PIGN: variants seen among roughly 807,000 people sequenced by gnomAD.
PIGN encodes the protein phosphatidylinositol glycan anchor biosynthesis class N, also known as GPI ethanolamine phosphate transferase 1.
Under a neutral mutation model 125.4 loss-of-function variants are expected in PIGN, and 117 were observed. The ratio of observed to expected loss-of-function variants is 0.93; its 90% CI spans 0.80 to 1.09. The LOEUF (loss-of-function observed/expected upper bound fraction) is 1.09. PIGN is among the 50% of genes least tolerant of loss of function. PIGN has a pLI of 0.00. For synonymous variants in PIGN, 392 were observed against 377.8 expected (o/e 1.04, Z -0.44); for missense variants, 1,075 against 1,094.9 (o/e 0.98, Z 0.26).
At chr18:62,096,359 G>T (rs889315868) in intron 22 of PIGN, among the ~76,000 whole-genome samples, 2 of 151,296 alleles carry the variant, frequency 1.3e-5, no homozygotes, top group African/African-American at 2.4e-5. Context: ...TTATTGTTTT[G>T]TGACCTTGAA....
intron 28 of PIGN, among the ~76,000 whole-genome samples, chr18:62,078,860 G>C (rs1312720463): frequency 6.6e-6 from 1 of 152,156 alleles, no homozygotes; most frequent in African/African-American, 2.4e-5. Context: ...CACTGTGATT[G>C]TTCACTTGCA....
At chr18:62,070,329 T>C (rs2032770607) in intron 30 of PIGN, 4 of 398,042 alleles carry the variant, frequency 1.0e-5, no homozygotes, top group Non-Finnish European at 1.3e-5. Flanking sequence ...TTCCCTAAAC[T>C]TTCAAGTATA....
chr18:62,038,984 T>C (rs1012061818), downstream of PIGN, among the ~76,000 whole-genome samples: 2 of 151,130 alleles, frequency 1.3e-5, no homozygotes, highest in Non-Finnish European at 2.9e-5. Flanking sequence ...TGATTGAAAG[T>C]AATTCAGGAA....
intron 30 of PIGN, chr18:62,051,729 C>A (rs2031311455): frequency 6.7e-6 from 1 of 150,162 alleles, no homozygotes; most frequent in African/African-American, 2.5e-5. Flanking sequence ...TTAGTTATTT[C>A]TTGCCTTCTG....
chr18:62,079,146 C>T (rs994345015), intron 28 of PIGN, among the ~76,000 whole-genome samples: 2 of 152,216 alleles, frequency 1.3e-5, no homozygotes, highest in African/African-American at 4.8e-5. Flanking sequence ...GTATGTTTCA[C>T]TCCCTCCACC....
chr18:62,088,125 T>C (rs2146032004), intron 25 of PIGN, among the ~76,000 whole-genome samples: 1 of 152,258 alleles, frequency 6.6e-6, no homozygotes, highest in Admixed American at 6.5e-5. Context: ...TATCAAAACA[T>C]CAAAATATAC....
intron 1 of PIGN, among the ~76,000 whole-genome samples, chr18:62,172,437 A>G (rs565210249): frequency 6.6e-6 from 1 of 152,256 alleles, no homozygotes; most frequent in Admixed American, 6.5e-5. Flanking sequence ...ACAGATGTTC[A>G]CTTTGATTTA....
intron 28 of PIGN, chr18:62,075,827 C>T (rs2033141989): frequency 1.3e-5 from 2 of 152,230 alleles, no homozygotes; most frequent in Non-Finnish European, 1.5e-5. Flanking sequence ...ACTAGCAATG[C>T]ATGAGAGCAA....
intron 1 of PIGN, among the ~76,000 whole-genome samples, chr18:62,182,061 T>TATGTAATATGTAA (rs1217977910): frequency 1.3e-5 from 2 of 152,172 alleles, no homozygotes; most frequent in Non-Finnish European, 2.9e-5. Context: ...ATCACTTGGC[T>TATGTAATATGTAA]TCTATGAACA....
intron 30 of PIGN, among the ~76,000 whole-genome samples, chr18:62,053,696 GAACAAC>G (rs1383579398): frequency 6.6e-6 from 1 of 152,146 alleles, no homozygotes; most frequent in African/African-American, 2.4e-5. Flanking sequence ...AAAATTGATA[GAACAAC>G]AACACTGAAA....
intron 7 of PIGN, among the ~76,000 whole-genome samples, chr18:62,149,347 C>A (rs9636102): frequency 0.087 from 13,229 of 151,806 alleles, 703 homozygotes; most frequent in South Asian, 0.19. Flanking sequence ...CTACTTAACC[C>A]CTAAGAAAAT....
chr18:62,029,591 A>G (rs933441990), intron 23 of PIGN, among the ~76,000 whole-genome samples: 1 of 152,210 alleles, frequency 6.6e-6, no homozygotes, highest in African/African-American at 2.4e-5. Flanking sequence ...AGTACCGGTG[A>G]CTGCTATGCT....
chr18:62,049,176 TCTTTA>T (rs1465277341), intron 30 of PIGN, among the ~76,000 whole-genome samples: 5 of 152,132 alleles, frequency 3.3e-5, no homozygotes, highest in Admixed American at 6.5e-5. Flanking sequence ...TGTGCATGTG[TCTTTA>T]TAGCAGCATG....
intron 30 of PIGN, among the ~76,000 whole-genome samples, chr18:62,062,885 T>TTTTTTTTTTTTTTTTTTTTTTTTTTTTTC: frequency 4.5e-5 from 1 of 22,100 alleles, no homozygotes; most frequent in Non-Finnish European, 1.1e-4. Context: ...TATTCTGCTT[T>TTTTTTTTTTTTTTTTTTTTTTTTTTTTTC]TTTTTTTTTT....
At chr18:62,140,521 C>A in intron 11 of PIGN, 42 bp from the exon 12 acceptor site, 2 of 1,014,622 alleles carry the variant, frequency 2.0e-6, no homozygotes, top group South Asian at 3.1e-5. Context: ...CTATGGACAT[C>A]AACAAAGAAA....
At chr18:62,174,756 T>C (rs2037462066) in intron 1 of PIGN, among the ~76,000 whole-genome samples, 1 of 151,944 alleles carries the variant, frequency 6.6e-6, no homozygotes, top group Admixed American at 6.6e-5. Flanking sequence ...TTTTTAAAAG[T>C]GGTTTAGGTA....
At position 62,154,602 on chromosome 18, in the gene PIGN, C is replaced by T. The variant is rs770138682; in HGVS notation, c.492G>A (p.Glu164=). The change falls in exon 7 of 31, where the codon GAG becomes GAA. Residue 164 remains glutamate, a synonymous_variant. Coordinates refer to ENST00000640252, the MANE Select transcript of PIGN (RefSeq NM_176787.5). The stretch of plus-strand genomic sequence containing the variant: ...TTGTTGCATCTTGAGCACCAAAATC[C>T]TCTCTTTTAGCATCATAACTATATG... The part of the protein sequence containing the change: ...VYTYSYDAKR[E]DFGAQDATKL... The T allele has an allele frequency of 5.6e-6, 9 of 1,596,586 alleles. No individual in the cohort carries two copies. The African/African-American group carries it at 1.2e-4, about 21-fold the overall frequency.
chr18:62,086,419 C>T (rs973165904), intron 25 of PIGN, among the ~76,000 whole-genome samples: 12 of 151,914 alleles, frequency 7.9e-5, no homozygotes, highest in African/African-American at 2.9e-4. Flanking sequence ...GAGATCAAGA[C>T]CATCCTGGCC....
intron 6 of PIGN, among the ~76,000 whole-genome samples, chr18:62,155,374 CT>C (rs1178986385): frequency 4.3e-4 from 65 of 152,076 alleles, no homozygotes. Context: ...CGAGACCCCC[CT>C]GGCCAACATG....
Sources: gnomAD v4.1 joint callset for allele counts (sites outside exome capture counted in the v4.1 genomes callset) on GRCh38, gnomAD v4.1.1 for gene constraint, MANE v1.5 for transcripts, NCBI Gene and HGNC (gene_info 2026-07-23, HGNC 2026-07-21) for gene names.